ZNF469: variants seen among roughly 807,000 people sequenced by gnomAD.
ZNF469 encodes zinc finger protein 469.
In ZNF469, 1 loss-of-function variant was observed where a neutral mutation model predicts 1.0. That is an observed-to-expected ratio of 1.00 (90% CI 0.35 to 4.73). The LOEUF (loss-of-function observed/expected upper bound fraction) is 4.73, where lower values mean the gene tolerates loss of function less well. Among genes scored for constraint, ZNF469 ranks in the 30% most tolerant of loss-of-function variants. The probability of loss-of-function intolerance (pLI) is 0.16; values close to 1 mark genes in which losing one functional copy is unlikely to be tolerated. For synonymous variants in ZNF469, 2,703 were observed against 2,363.4 expected (o/e 1.14, Z -4.17); for missense variants, 6,100 against 5,356.3 (o/e 1.14, Z -4.33).
chr16:88,239,662 TTTTTGTATATATA>T, the ZNF469 span, among the ~76,000 whole-genome samples: 18 of 95,402 alleles, frequency 1.9e-4, no homozygotes, highest in African/African-American at 6.1e-4. Flanking sequence ...TTATTTTTTT[TTTTTGTATATATA>T]TATATATATA....
intron 1 of ZNF469, among the ~76,000 whole-genome samples, chr16:88,404,470 C>G (rs189410264): frequency 2.6e-5 from 4 of 152,206 alleles, no homozygotes; most frequent in Non-Finnish European, 5.9e-5. Flanking sequence ...CCACATATCC[C>G]TTTGGCCATG....
intron 1 of ZNF469, among the ~76,000 whole-genome samples, chr16:88,417,221 C>T (rs1905326576): frequency 1.3e-5 from 2 of 152,138 alleles, no homozygotes; most frequent in South Asian, 2.1e-4. Flanking sequence ...GCCCAGGCTC[C>T]GCCACTGTGT....
Position 88,424,775 on chromosome 16 carries a change from C to T in ZNF469, c.-191-32C>T, listed in dbSNP as rs1225851212. Among the ~76,000 whole-genome samples, 3 of 152,202 alleles carry T rather than the reference C, an allele frequency of 2.0e-5. No homozygotes were observed. Among genetic ancestry groups the T allele is most frequent in the Non-Finnish European group, 2.9e-5 (2 of 68,040 alleles). ...CTTGGTCCAGAGCCATGCACCACAT[C>T]GGCCCTGACATGCTTTCCATTTTCT... On this transcript the variant is annotated intron_variant, in intron 1 of 2. Coordinates refer to ENST00000565624, the MANE Select transcript of ZNF469 (RefSeq NM_001367624.2). The surrounding 1 kb of genome is among the most constrained non-coding windows in gnomAD (Gnocchi z 4.3).
At position 88,428,379 on chromosome 16, in the gene ZNF469, G is replaced by A; in HGVS notation, c.909G>A (p.Val303=). The part of the protein sequence containing the change: ...AGHAFTNGPL[V]FAFHQPQGAW... Reference sequence around the variant, plus strand: ...ACGCATTCACCAATGGGCCACTGGTGTTTGCCTTCCATCAGCCCCAGGGAG... The same window carrying A: ...ACGCATTCACCAATGGGCCACTGGTATTTGCCTTCCATCAGCCCCAGGGAG... The change falls in exon 3 of 3, where the codon GTG becomes GTA. Residue 303 remains valine (V), a synonymous_variant. Coordinates refer to ENST00000565624, the MANE Select transcript of ZNF469 (RefSeq NM_001367624.2). 1 of 1,548,698 alleles carries A rather than the reference G, an allele frequency of 6.5e-7. No homozygotes were observed. Among genetic ancestry groups the A allele is most frequent in the East Asian group, 2.4e-5 (1 of 40,902 alleles).
At chr16:88,389,520 C>T (rs994422102) in intron 1 of ZNF469, among the ~76,000 whole-genome samples, 3 of 152,234 alleles carry the variant, frequency 2.0e-5, no homozygotes, top group African/African-American at 7.2e-5. Flanking sequence ...TGGGCAGCTT[C>T]CTGGGGATGG....
chr16:88,227,989 C>T, the ZNF469 span, among the ~76,000 whole-genome samples: 3 of 152,248 alleles, frequency 2.0e-5, no homozygotes, highest in African/African-American at 7.2e-5. Flanking sequence ...CCAGGCTCCG[C>T]ATCCATCGTT....
At chr16:88,151,247 G>C in the ZNF469 span, among the ~76,000 whole-genome samples, 3 of 152,240 alleles carry the variant, frequency 2.0e-5, no homozygotes, top group African/African-American at 7.2e-5. This position sits in a 1 kb window ranked among gnomAD's most constrained non-coding sequence, Gnocchi z 5.4. Flanking sequence ...CTTCATCCAG[G>C]CCTCGACTGT....
At chr16:88,208,847 G>C in the ZNF469 span, among the ~76,000 whole-genome samples, 5 of 144,112 alleles carry the variant, frequency 3.5e-5, no homozygotes, top group African/African-American at 1.3e-4. Flanking sequence ...ACATACATGA[G>C]CCACGAGCTC....
In ZNF469 at chr16:88,436,676, G is replaced by A. The variant is rs1172465020; in HGVS notation, c.9206G>A (p.Gly3069Asp). Residue 3069 changes from glycine to aspartate, a missense_variant, in exon 3 of 3, where the codon GGT becomes GAT. Transcript: ENST00000565624. ...CFLGPFEDPV[G>D]LPGPSFLDFE... is the part of the protein sequence containing the mutation. ...CTGGGACCCTTTGAAGACCCCGTGG[G>A]TCTCCCCGGCCCCAGCTTCTTAGAC... The A allele has an allele frequency of 2.0e-5, 31 of 1,550,220 alleles. No individual in the cohort carries two copies. In the African/African-American group the frequency reaches 2.5e-4, roughly 12 times the overall value.
At chr16:88,381,995 T>G (rs2092526431), upstream of ZNF469, among the ~76,000 whole-genome samples, 1 of 152,280 alleles carries the variant, frequency 6.6e-6, no homozygotes, top group South Asian at 2.1e-4. Context: ...GTGCTTGACC[T>G]GCTCCCGGGG....
the ZNF469 span, among the ~76,000 whole-genome samples, chr16:88,185,772 GCA>G: frequency 2.5e-4 from 15 of 59,654 alleles, no homozygotes; most frequent in African/African-American, 8.7e-4. Flanking sequence ...AGACACATTC[GCA>G]CACTCACACA....
At chr16:88,376,640 G>A in the ZNF469 span, among the ~76,000 whole-genome samples, 1 of 152,268 alleles carries the variant, frequency 6.6e-6, no homozygotes, top group East Asian at 1.9e-4. Flanking sequence ...TGCGAGGGCT[G>A]AGTGAGGGAT....
intron 1 of ZNF469, among the ~76,000 whole-genome samples, chr16:88,384,547 C>G (rs995624629): frequency 3.0e-4 from 45 of 152,304 alleles, no homozygotes; most frequent in African/African-American, 1.1e-3. Context: ...ATGCCATGCG[C>G]CTGGCAGGTC....
chr16:88,345,829 C>T, the ZNF469 span, among the ~76,000 whole-genome samples: 1 of 152,192 alleles, frequency 6.6e-6, no homozygotes, highest in Non-Finnish European at 1.5e-5. Flanking sequence ...AGCCCGCCCG[C>T]CAGGCCCCAC....
At chr16:88,245,569 G>C in the ZNF469 span, among the ~76,000 whole-genome samples, 1 of 152,238 alleles carries the variant, frequency 6.6e-6, no homozygotes, top group African/African-American at 2.4e-5. Flanking sequence ...AGTCGCCTCT[G>C]AGCTTTCCCA....
chr16:88,214,947 C>G, the ZNF469 span, among the ~76,000 whole-genome samples: 3 of 152,116 alleles, frequency 2.0e-5, no homozygotes, highest in East Asian at 5.8e-4. Context: ...GGTGGATTGA[C>G]CACTTTATCT....
At chr16:88,122,726 A>G in the ZNF469 span, among the ~76,000 whole-genome samples, 9 of 152,246 alleles carry the variant, frequency 5.9e-5, no homozygotes, top group African/African-American at 1.9e-4. Flanking sequence ...AGTCTGCCAC[A>G]GTTTTATGTG....
At chr16:88,213,419 G>GT in the ZNF469 span, among the ~76,000 whole-genome samples, 2 of 152,120 alleles carry the variant, frequency 1.3e-5, no homozygotes, top group African/African-American at 4.8e-5. Context: ...TTTAATAGTA[G>GT]TTTTTTTATA....
the ZNF469 span, among the ~76,000 whole-genome samples, chr16:88,254,626 C>T: frequency 5.0e-4 from 76 of 152,214 alleles, 1 homozygote; most frequent in Middle Eastern, 0.01. Context: ...GGCGTGGTGG[C>T]ACATGCCTGT....
Sources: gnomAD v4.1 joint callset for allele counts (sites outside exome capture counted in the v4.1 genomes callset) on GRCh38, gnomAD v4.1.1 for gene constraint, Gnocchi (gnomAD v3.1) non-coding constraint, MANE v1.5 for transcripts, NCBI Gene and HGNC (gene_info 2026-07-23, HGNC 2026-07-21) for gene names.